The following KLHL15 variants were observed in gnomAD, a reference collection of about 807,000 sequenced individuals.
KLHL15 encodes the protein kelch-like protein 15.
A neutral mutation model predicts 29.3 loss-of-function variants in KLHL15; 1 was observed. The ratio of observed to expected loss-of-function variants is 0.03; its 90% CI spans 0.01 to 0.16. The LOEUF (loss-of-function observed/expected upper bound fraction) is 0.16. KLHL15 is among the 10% of genes least tolerant of loss of function. KLHL15 has a pLI of 1.00. For missense variants in KLHL15, 215 were observed against 478.5 expected, an observed-to-expected ratio of 0.45 and a Z score of 5.14; for synonymous variants, 212 against 184.5, an observed-to-expected ratio of 1.15 and a Z score of -1.21.
rs141828326 is a variant in KLHL15, at chrX:24,020,825, A to G, written c.-8+4032T>C. On this transcript the variant is annotated intron_variant, in intron 2 of 3. Transcript: ENST00000328046. Reference sequence around the variant, plus strand: ...TCTAACATGAAATCACAAATACTGTAATGTTAGCCTTTCAGTTCCTCATAA... The same window carrying G: ...TCTAACATGAAATCACAAATACTGTGATGTTAGCCTTTCAGTTCCTCATAA... 6.9e-3 allele frequency among the ~76,000 whole-genome samples: 777 copies of G among 112,022 alleles called. 1 individual carries two copies. Among genetic ancestry groups the G allele is most frequent in the Non-Finnish European group, 0.012 (621 of 53,177 alleles).
chrX:23,990,462 A>G (rs774228822), intron 3 of KLHL15, among the ~76,000 whole-genome samples: 11 of 111,873 alleles, frequency 9.8e-5, no homozygotes, highest in Non-Finnish European at 1.7e-4. Flanking sequence ...TAAGACAAGG[A>G]TAAGAGGGTC....
At chrX:24,007,504 A>ATATATATAT (rs1555976994) in intron 2 of KLHL15, among the ~76,000 whole-genome samples, 2 of 54,984 alleles carry the variant, frequency 3.6e-5, no homozygotes, top group African/African-American at 1.8e-4. Context: ...AAAAAAAAAA[A>ATATATATAT]AAAAATATAT....
intron 2 of KLHL15, among the ~76,000 whole-genome samples, chrX:24,022,892 G>A (rs1312079739): frequency 2.8e-5 from 3 of 108,501 alleles, no homozygotes; most frequent in Non-Finnish European, 5.7e-5. Flanking sequence ...CCGCCACCAC[G>A]CCAGGCTAAC....
In KLHL15 at chrX:24,005,351, G is replaced by A. The variant is rs140350655; in HGVS notation, c.705+638C>T. ...ATGGTTGATCAATGTAGATAGAAGAGTTATAGTCTACTTGTTTAGAAATGC... is the reference window on the plus strand; with the variant it reads ...ATGGTTGATCAATGTAGATAGAAGAATTATAGTCTACTTGTTTAGAAATGC... On this transcript the variant is annotated intron_variant, in intron 3 of 3. Coordinates refer to ENST00000328046, the MANE Select transcript of KLHL15 (RefSeq NM_030624.3). Among the ~76,000 whole-genome samples, 717 of 112,310 alleles carry A rather than the reference G, an allele frequency of 6.4e-3. 13 individuals are homozygous for A. Among genetic ancestry groups the A allele is most frequent in the Admixed American group, 0.05 (524 of 10,509 alleles).
At chrX:23,996,528 T>A (rs1462750735) in intron 3 of KLHL15, among the ~76,000 whole-genome samples, 1 of 110,819 alleles carries the variant, frequency 9.0e-6, no homozygotes, top group Admixed American at 9.6e-5. Context: ...CTGGGCGTGG[T>A]GGGGGGCACC....
chrX:24,004,789 CAAA>C (rs11288965), intron 3 of KLHL15, among the ~76,000 whole-genome samples: 12 of 65,224 alleles, frequency 1.8e-4, no homozygotes, highest in African/African-American at 4.8e-4. Flanking sequence ...GACTCTGTCT[CAAA>C]AAAAAAAAAA....
At chrX:24,023,568 A>G (rs1929856646) in intron 2 of KLHL15, among the ~76,000 whole-genome samples, 1 of 112,285 alleles carries the variant, frequency 8.9e-6, no homozygotes, top group Non-Finnish European at 1.9e-5. Context: ...GCCAAACCAT[A>G]CTATATTTTT....
chrX:24,022,767 T>G (rs1439755670), intron 2 of KLHL15, among the ~76,000 whole-genome samples: 2 of 106,213 alleles, frequency 1.9e-5, no homozygotes, highest in Non-Finnish European at 3.9e-5. Flanking sequence ...TCGCCCAGGC[T>G]GGAGTGCAGT....
chrX:24,024,823 C>T (rs1416670788), intron 2 of KLHL15, 34 bp downstream of exon 2: 1 of 293,424 alleles, frequency 3.4e-6, no homozygotes, highest in Non-Finnish European at 5.9e-6. Flanking sequence ...GAAGCCCGGG[C>T]TCCGCAGGCC....
chrX:24,003,748 C>T (rs1173898150), intron 3 of KLHL15, among the ~76,000 whole-genome samples: 3 of 105,517 alleles, frequency 2.8e-5, no homozygotes, highest in African/African-American at 1.0e-4. Context: ...AATTTGGAAG[C>T]CTTGGCCTCT....
Position 24,011,587 on chromosome X carries a change from T to C in KLHL15, c.-7-4887A>G, listed in dbSNP as rs764522605. Among the ~76,000 whole-genome samples, 14 of 111,296 alleles carry C rather than the reference T, an allele frequency of 1.3e-4. No homozygotes were observed. The East Asian group carries it at 4.0e-3, about 32-fold the overall frequency. On this transcript the variant is annotated intron_variant, in intron 2 of 3. Transcript: ENST00000328046. Reference sequence around the variant, plus strand: ...TGAACCTGGGAGCTGGAGGTTGCAGTGAGCCAAGATTGTGCCACTGCACTC... The same window carrying C: ...TGAACCTGGGAGCTGGAGGTTGCAGCGAGCCAAGATTGTGCCACTGCACTC...
chrX:24,005,863 TA>T, intron 3 of KLHL15, 125 bp downstream of exon 3: 1 of 507,869 alleles, frequency 2.0e-6, no homozygotes, highest in Non-Finnish European at 3.3e-6. Context: ...CATTCTTGAA[TA>T]ACATAAGAAA....
chrX:24,002,463 T>C (rs956368826), intron 3 of KLHL15, among the ~76,000 whole-genome samples: 6 of 112,283 alleles, frequency 5.3e-5, no homozygotes, highest in African/African-American at 1.9e-4. Flanking sequence ...AATCCTTAAA[T>C]AACTATGTCA....
At chrX:24,010,507 C>G (rs1371378285) in intron 2 of KLHL15, among the ~76,000 whole-genome samples, 1 of 112,546 alleles carries the variant, frequency 8.9e-6, no homozygotes. Context: ...TGTTCCCAAA[C>G]TAAGGACAGC....
At chrX:23,997,924 T>TAC (rs1415542021) in intron 3 of KLHL15, among the ~76,000 whole-genome samples, 15 of 107,889 alleles carry the variant, frequency 1.4e-4, no homozygotes, top group Admixed American at 1.1e-3. Flanking sequence ...ACCCCATCCC[T>TAC]ACCAAAAAAA....
intron 2 of KLHL15, among the ~76,000 whole-genome samples, chrX:24,018,956 T>C (rs906496417): frequency 1.9e-4 from 13 of 69,421 alleles, no homozygotes; most frequent in Non-Finnish European, 2.8e-4. Flanking sequence ...TGAGCCAAGA[T>C]TGCGCCACCT....
intron 2 of KLHL15, among the ~76,000 whole-genome samples, chrX:24,007,089 G>C (rs1243520891): frequency 9.0e-6 from 1 of 110,862 alleles, no homozygotes; most frequent in Non-Finnish European, 1.9e-5. Context: ...AGCTTCTTCA[G>C]AGGCTGAGGT....
chrX:24,025,967 G>T (rs1602023119), intron 1 of KLHL15, among the ~76,000 whole-genome samples: 1 of 111,072 alleles, frequency 9.0e-6, no homozygotes, highest in African/African-American at 3.3e-5. Context: ...ACTGCGGTGC[G>T]CCCACCCTCG....
At chrX:24,014,540 CACA>C (rs1382238935) in intron 2 of KLHL15, among the ~76,000 whole-genome samples, 5 of 107,426 alleles carry the variant, frequency 4.7e-5, no homozygotes, top group African/African-American at 1.0e-4. Flanking sequence ...CAAAAAAAAA[CACA>C]ACAATTAAGG....
Sources: allele counts gnomAD v4.1 joint callset (sites outside exome capture counted in the v4.1 genomes callset), GRCh38; gene constraint gnomAD v4.1.1; transcripts MANE v1.5; gene names NCBI Gene and HGNC (gene_info 2026-07-23, HGNC 2026-07-21).